Variants in ADAM18 observed in about 807,000 individuals in gnomAD.
The protein encoded by ADAM18 is disintegrin and metalloproteinase domain-containing protein 18.
In ADAM18, 117 loss-of-function variants were observed where a neutral mutation model predicts 94.4. The ratio of observed to expected loss-of-function variants is 1.24; its 90% CI spans 1.07 to 1.45. The LOEUF (loss-of-function observed/expected upper bound fraction) is 1.45, where lower values mean the gene tolerates loss of function less well. ADAM18 is among the 40% of genes most tolerant of loss of function. ADAM18 has a pLI of 0.00. For missense variants in ADAM18, 936 were observed against 880.0 expected (o/e 1.06, Z -0.81); for synonymous variants, 327 against 291.6 (o/e 1.12, Z -1.24).
Position 39,610,999 on chromosome 8 carries a change from G to A in ADAM18, c.522+293G>A, listed in dbSNP as rs1171949433. 10 of 1,147,882 alleles carry A rather than the reference G, an allele frequency of 8.7e-6. No homozygotes were observed. In the South Asian group the frequency reaches 4.0e-4, roughly 46 times the overall value. The allele number at this position is 1,147,882 out of a possible 1,614,324, so 71.1% of individuals were successfully genotyped here. ...AAAGAACAGAGTCACTGTTATTCTA[G>A]TACCTTGGTAAAATTACTTTTAATA... On this transcript the variant is annotated intron_variant, in intron 6 of 19. Coordinates refer to ENST00000265707, the MANE Select transcript of ADAM18 (RefSeq NM_014237.3).
At chr8:39,620,677 A>G (rs1334104223) in intron 6 of ADAM18, among the ~76,000 whole-genome samples, 1 of 148,444 alleles carries the variant, frequency 6.7e-6, no homozygotes, top group Non-Finnish European at 1.5e-5. Flanking sequence ...ACTATATATT[A>G]AAAAAGAAAT....
intron 2 of ADAM18, among the ~76,000 whole-genome samples, chr8:39,590,997 C>T (rs1201958487): frequency 6.6e-6 from 1 of 152,174 alleles, no homozygotes; most frequent in East Asian, 1.9e-4. Context: ...CCAGTGCATA[C>T]CAAACTTATG....
chr8:39,705,853 C>T (rs1258124109), intron 17 of ADAM18, among the ~76,000 whole-genome samples: 2 of 152,016 alleles, frequency 1.3e-5, no homozygotes, highest in Non-Finnish European at 2.9e-5. Flanking sequence ...AAAAATGTGC[C>T]TGTGATGTCT....
At chr8:39,610,858 A>G (rs1819253425) in intron 6 of ADAM18, 152 bp downstream of exon 6, 3 of 1,275,548 alleles carry the variant, frequency 2.4e-6, no homozygotes, top group Non-Finnish European at 3.0e-6. Flanking sequence ...AACTTCATCT[A>G]AAATATTTGG....
intron 12 of ADAM18, among the ~76,000 whole-genome samples, chr8:39,655,990 C>A (rs2129579835): frequency 6.6e-6 from 1 of 151,960 alleles, no homozygotes; most frequent in South Asian, 2.1e-4. Flanking sequence ...TTAATCAATG[C>A]AAGGATATGT....
intron 7 of ADAM18, among the ~76,000 whole-genome samples, chr8:39,633,558 T>C (rs541585344): frequency 5.9e-5 from 9 of 152,196 alleles, no homozygotes; most frequent in South Asian, 4.2e-4. Context: ...GTATTGGAAA[T>C]TGGGAGAAAG....
chr8:39,653,254 C>T (rs182846505), intron 12 of ADAM18, among the ~76,000 whole-genome samples: 262 of 152,092 alleles, frequency 1.7e-3, no homozygotes, highest in African/African-American at 6.1e-3. Flanking sequence ...AAACATCATG[C>T]TGTACATCAT....
At chr8:39,693,213 T>G (rs952162844) in intron 17 of ADAM18, among the ~76,000 whole-genome samples, 1 of 151,578 alleles carries the variant, frequency 6.6e-6, no homozygotes, top group Admixed American at 6.6e-5. Context: ...TAAAAAATTA[T>G]TTTCCTAAAA....
chr8:39,702,808 A>G (rs1563313214), intron 17 of ADAM18, among the ~76,000 whole-genome samples: 2 of 152,014 alleles, frequency 1.3e-5, no homozygotes, highest in South Asian at 2.1e-4. Flanking sequence ...GTGTGATCTT[A>G]TGTCTGGGTT....
intron 7 of ADAM18, among the ~76,000 whole-genome samples, chr8:39,636,197 T>A (rs1820072398): frequency 6.6e-6 from 1 of 152,026 alleles, no homozygotes; most frequent in Non-Finnish European, 1.5e-5. Flanking sequence ...TTTTTTAAAA[T>A]TTTTTAAAGA....
chr8:39,658,553 G>T (rs1820747990), intron 12 of ADAM18, among the ~76,000 whole-genome samples: 1 of 152,104 alleles, frequency 6.6e-6, no homozygotes, highest in East Asian at 1.9e-4. Flanking sequence ...AAAGCTTCCA[G>T]AAAAGAACGC....
intron 2 of ADAM18, among the ~76,000 whole-genome samples, chr8:39,590,602 T>A (rs1458443542): frequency 1.3e-5 from 2 of 151,932 alleles, no homozygotes; most frequent in African/African-American, 2.4e-5. Context: ...TAAAATAAAA[T>A]AAAAAAAATA....
At chr8:39,624,264 G>A (rs1382671532) in intron 6 of ADAM18, among the ~76,000 whole-genome samples, 2 of 152,160 alleles carry the variant, frequency 1.3e-5, no homozygotes, top group African/African-American at 2.4e-5. Context: ...CTTTCTTCTA[G>A]AATTTTTATG....
chr8:39,694,656 G>T (rs1290458986), intron 17 of ADAM18, among the ~76,000 whole-genome samples: 1 of 151,426 alleles, frequency 6.6e-6, no homozygotes, highest in African/African-American at 2.4e-5. Flanking sequence ...CAAGCACCAA[G>T]TACAGTGGAC....
At chr8:39,612,533 A>G (rs1430357027) in intron 6 of ADAM18, among the ~76,000 whole-genome samples, 1 of 152,076 alleles carries the variant, frequency 6.6e-6, no homozygotes, top group Non-Finnish European at 1.5e-5. Context: ...TGCAGAACCC[A>G]GGGGGTTTGG....
At chr8:39,687,773 C>T (rs753211407) in intron 16 of ADAM18, among the ~76,000 whole-genome samples, 7 of 152,180 alleles carry the variant, frequency 4.6e-5, no homozygotes, top group Non-Finnish European at 1.0e-4. Context: ...CCTCCAGTTG[C>T]ATCCATGTTG....
At chr8:39,631,649 T>C (rs187166358) in intron 7 of ADAM18, among the ~76,000 whole-genome samples, 151 of 152,094 alleles carry the variant, frequency 9.9e-4, no homozygotes, top group African/African-American at 3.5e-3. Context: ...GCTTTGACTA[T>C]TCTGGGCCCC....
At chr8:39,700,126 C>A (rs1451736) in intron 17 of ADAM18, among the ~76,000 whole-genome samples, 1 of 151,804 alleles carries the variant, frequency 6.6e-6, no homozygotes, top group Non-Finnish European at 1.5e-5. Context: ...AAAGTGCTTG[C>A]GTATTCTAGA....
intron 14 of ADAM18, among the ~76,000 whole-genome samples, chr8:39,676,310 G>A (rs753164756): frequency 8.5e-5 from 13 of 152,168 alleles, no homozygotes; most frequent in Non-Finnish European, 1.8e-4. Flanking sequence ...GCCAAGTTTG[G>A]GCTTCCTGGA....
Sources: gnomAD v4.1 joint callset for allele counts (sites outside exome capture counted in the v4.1 genomes callset) on GRCh38, gnomAD v4.1.1 for gene constraint, MANE v1.5 for transcripts, NCBI Gene and HGNC (gene_info 2026-07-23, HGNC 2026-07-21) for gene names.